The following LRRC7 variants were observed in gnomAD, a reference collection of about 807,000 sequenced individuals.
LRRC7 encodes the protein leucine-rich repeat-containing protein 7.
In LRRC7, 23 loss-of-function variants were observed where a neutral mutation model predicts 175.7. The ratio of observed to expected loss-of-function variants is 0.13; its 90% CI spans 0.09 to 0.19. LRRC7 has a LOEUF of 0.19. Ranked by LOEUF, LRRC7 falls within the 10% of genes least tolerant of loss-of-function variation. The probability of loss-of-function intolerance (pLI) is 1.00; values close to 1 mark genes in which losing one functional copy is unlikely to be tolerated. For synonymous variants in LRRC7, 685 were observed against 680.9 expected (o/e 1.01, Z -0.09); for missense variants, 1,354 against 1,904.7 (o/e 0.71, Z 5.38).
intron 2 of LRRC7, among the ~76,000 whole-genome samples, chr1:69,749,576 T>C (rs529139904): frequency 1.3e-5 from 2 of 152,330 alleles, no homozygotes; most frequent in African/African-American, 4.8e-5. Context: ...CTCAGGTTTC[T>C]GTAACATCAG....
intron 8 of LRRC7, among the ~76,000 whole-genome samples, chr1:69,979,387 C>G (rs749711653): frequency 2.0e-5 from 3 of 152,208 alleles, no homozygotes; most frequent in Non-Finnish European, 4.4e-5. Context: ...TCTCTCTATA[C>G]AGTCTGCTGC....
At chr1:69,683,330 T>G (rs1276625280) in intron 2 of LRRC7, among the ~76,000 whole-genome samples, 1 of 152,168 alleles carries the variant, frequency 6.6e-6, no homozygotes, top group Non-Finnish European at 1.5e-5. Context: ...TTCTACCAAA[T>G]GCTCCCCAAA....
intron 2 of LRRC7, among the ~76,000 whole-genome samples, chr1:69,686,119 T>C (rs565570881): frequency 1.3e-5 from 2 of 152,266 alleles, no homozygotes; most frequent in South Asian, 2.1e-4. Flanking sequence ...TCAAGTATTA[T>C]AAGAATTGTC....
At chr1:69,799,064 T>A (rs1311955734) in intron 4 of LRRC7, among the ~76,000 whole-genome samples, 1 of 151,802 alleles carries the variant, frequency 6.6e-6, no homozygotes, top group Admixed American at 6.6e-5. Context: ...TCTTTTAGGT[T>A]TTTGGTGACT....
intron 1 of LRRC7, among the ~76,000 whole-genome samples, chr1:69,577,314 GA>G (rs2100900866): frequency 6.6e-6 from 1 of 152,292 alleles, no homozygotes; most frequent in Non-Finnish European, 1.5e-5. Flanking sequence ...AATCATGTGT[GA>G]AAAATAGATA....
chr1:69,759,426 T>C (rs1670792302), intron 2 of LRRC7, among the ~76,000 whole-genome samples: 1 of 151,984 alleles, frequency 6.6e-6, no homozygotes, highest in African/African-American at 2.4e-5. Flanking sequence ...CTTCGCAAAA[T>C]TTCATGGCAT....
chr1:69,785,031 G>T (rs1483789328), intron 3 of LRRC7, among the ~76,000 whole-genome samples: 2 of 151,986 alleles, frequency 1.3e-5, no homozygotes, highest in Admixed American at 6.6e-5. Context: ...TGTAGTAATT[G>T]AGCTCAGTGT....
At chr1:69,605,017 G>A (rs1439259405) in intron 1 of LRRC7, among the ~76,000 whole-genome samples, 1 of 152,142 alleles carries the variant, frequency 6.6e-6, no homozygotes, top group Non-Finnish European at 1.5e-5. Flanking sequence ...GGATAGGCAG[G>A]TGTCTTCTCA....
chr1:69,854,738 A>T (rs1000297583), intron 7 of LRRC7, among the ~76,000 whole-genome samples: 1 of 152,224 alleles, frequency 6.6e-6, no homozygotes, highest in South Asian at 2.1e-4. Flanking sequence ...TAATAGCAAA[A>T]TTAAAAGTAT....
intron 1 of LRRC7, among the ~76,000 whole-genome samples, chr1:69,611,256 A>G (rs1648681178): frequency 6.6e-6 from 1 of 151,728 alleles, no homozygotes; most frequent in Non-Finnish European, 1.5e-5. Flanking sequence ...TTGTTTTCCT[A>G]AGTATTATAA....
At chr1:70,078,726 AC>A (rs1278106405) in intron 24 of LRRC7, among the ~76,000 whole-genome samples, 1 of 151,948 alleles carries the variant, frequency 6.6e-6, no homozygotes, top group Non-Finnish European at 1.5e-5. Flanking sequence ...TCAAATGAGA[AC>A]ATTGCTACCC....
At chr1:70,112,570 TAA>T (rs920980130) in intron 26 of LRRC7, among the ~76,000 whole-genome samples, 1 of 152,138 alleles carries the variant, frequency 6.6e-6, no homozygotes, top group African/African-American at 2.4e-5. Context: ...GTGATTAATA[TAA>T]AAGTGTGTAT....
chr1:69,595,685 A>G (rs544636344), intron 1 of LRRC7, among the ~76,000 whole-genome samples: 1 of 152,286 alleles, frequency 6.6e-6, no homozygotes, highest in Admixed American at 6.5e-5. Context: ...TACTGACTTC[A>G]CAGCATGTCA....
intron 2 of LRRC7, among the ~76,000 whole-genome samples, chr1:69,739,983 A>G (rs928536337): frequency 2.0e-5 from 3 of 152,140 alleles, no homozygotes; most frequent in African/African-American, 7.2e-5. Flanking sequence ...TATGAGCAGC[A>G]TCGCAACAGA....
intron 7 of LRRC7, among the ~76,000 whole-genome samples, chr1:69,851,825 C>A (rs570647609): frequency 6.6e-6 from 1 of 152,246 alleles, no homozygotes; most frequent in South Asian, 2.1e-4. Context: ...AGGCAATCTT[C>A]TTCAGAAAGT....
intron 3 of LRRC7, among the ~76,000 whole-genome samples, chr1:69,761,130 T>C (rs1385047382): frequency 6.6e-6 from 1 of 151,956 alleles, no homozygotes; most frequent in African/African-American, 2.4e-5. Flanking sequence ...GCAGAGAAGT[T>C]CAAAATCTAA....
intron 25 of LRRC7, among the ~76,000 whole-genome samples, chr1:70,101,203 T>C (rs1664782776): frequency 6.6e-6 from 1 of 152,158 alleles, no homozygotes; most frequent in Non-Finnish European, 1.5e-5. Context: ...ATGAGTCAGT[T>C]TTGCCTCTAG....
intron 22 of LRRC7, among the ~76,000 whole-genome samples, chr1:70,050,818 C>A (rs570475341): frequency 7.3e-4 from 111 of 151,960 alleles, no homozygotes; most frequent in Non-Finnish European, 1.4e-3. Context: ...CACCAAATGT[C>A]AATAAATTGT....
intron 1 of LRRC7, among the ~76,000 whole-genome samples, chr1:69,574,780 G>T (rs1645878174): frequency 6.6e-6 from 1 of 152,052 alleles, no homozygotes; most frequent in Non-Finnish European, 1.5e-5. Flanking sequence ...CATATTTTGA[G>T]CACTCATAAA....
Sources: allele counts gnomAD v4.1 joint callset (sites outside exome capture counted in the v4.1 genomes callset), GRCh38; gene constraint gnomAD v4.1.1; transcripts MANE v1.5; gene names NCBI Gene and HGNC (gene_info 2026-07-23, HGNC 2026-07-21).